The following INPP4B variants were observed in gnomAD, a reference collection of about 807,000 sequenced individuals.
INPP4B encodes the protein inositol polyphosphate-4-phosphatase type II B.
INPP4B carries 55 observed loss-of-function variants against 122.5 expected under a neutral mutation model. The observed-to-expected ratio is 0.45, with a 90% confidence interval of 0.36 to 0.56. The LOEUF (loss-of-function observed/expected upper bound fraction) is 0.56, where lower values mean the gene tolerates loss of function less well. INPP4B is among the 20% of genes least tolerant of loss of function. The pLI is 0.00. For missense variants in INPP4B, 1,000 were observed against 1,097.7 expected (o/e 0.91, Z 1.26); for synonymous variants, 403 against 388.7 (o/e 1.04, Z -0.43).
chr4:142,130,716 C>T (rs1255118103), intron 18 of INPP4B, among the ~76,000 whole-genome samples: 1 of 152,130 alleles, frequency 6.6e-6, no homozygotes, highest in Non-Finnish European at 1.5e-5. Flanking sequence ...AGTGTAATGT[C>T]CACTGAACTA....
At chr4:142,737,566 T>G (rs1402869842) in intron 1 of INPP4B, among the ~76,000 whole-genome samples, 2 of 152,054 alleles carry the variant, frequency 1.3e-5, no homozygotes, top group Non-Finnish European at 2.9e-5. Context: ...GGACTTCATG[T>G]CTAAAACACC....
chr4:142,652,445 G>T (rs774517491), intron 2 of INPP4B, among the ~76,000 whole-genome samples: 20 of 152,030 alleles, frequency 1.3e-4, no homozygotes, highest in Non-Finnish European at 2.6e-4. Flanking sequence ...TGTTTGCAGA[G>T]GACATGATTG....
At chr4:142,452,724 C>T (rs1440877905) in intron 3 of INPP4B, among the ~76,000 whole-genome samples, 1 of 152,148 alleles carries the variant, frequency 6.6e-6, no homozygotes, top group Non-Finnish European at 1.5e-5. Context: ...TTGGTTGCTT[C>T]TCACATGTCA....
intron 2 of INPP4B, among the ~76,000 whole-genome samples, chr4:142,693,179 G>A (rs1266646911): frequency 6.6e-6 from 1 of 151,988 alleles, no homozygotes. Context: ...GCTTTGGGGG[G>A]TACCAGAAAT....
chr4:142,676,476 A>G (rs1362273115), intron 2 of INPP4B, among the ~76,000 whole-genome samples: 1 of 152,168 alleles, frequency 6.6e-6, no homozygotes, highest in Non-Finnish European at 1.5e-5. Context: ...TCTTCACAGA[A>G]TTGGAAAAAA....
intron 8 of INPP4B, among the ~76,000 whole-genome samples, chr4:142,306,924 G>A (rs1411222797): frequency 6.6e-6 from 1 of 152,164 alleles, no homozygotes; most frequent in South Asian, 2.1e-4. Flanking sequence ...AAGGCAACTC[G>A]GTTCTGAAGG....
intron 2 of INPP4B, among the ~76,000 whole-genome samples, chr4:142,581,547 C>T (rs1735076078): frequency 2.8e-5 from 1 of 35,160 alleles, no homozygotes; most frequent in African/African-American, 9.1e-5. Context: ...GATAGAAGTT[C>T]CATTTCTATC....
chr4:142,790,907 C>G (rs1027506111), intron 1 of INPP4B, among the ~76,000 whole-genome samples: 1 of 151,876 alleles, frequency 6.6e-6, no homozygotes, highest in Admixed American at 6.6e-5. Flanking sequence ...TAAATGAACC[C>G]CACACTTCAT....
At chr4:142,298,206 C>T (rs1228012797) in intron 9 of INPP4B, among the ~76,000 whole-genome samples, 1 of 152,154 alleles carries the variant, frequency 6.6e-6, no homozygotes, top group Non-Finnish European at 1.5e-5. Flanking sequence ...CCTTGTTCTA[C>T]TTAACTCCAC....
chr4:142,769,882 C>A (rs1249622950), intron 1 of INPP4B, among the ~76,000 whole-genome samples: 2 of 152,040 alleles, frequency 1.3e-5, no homozygotes, highest in African/African-American at 4.8e-5. Flanking sequence ...CCACTGTGCT[C>A]CAGCCTGGGC....
At chr4:142,292,266 C>A (rs146731878) in intron 9 of INPP4B, among the ~76,000 whole-genome samples, 64 of 150,976 alleles carry the variant, frequency 4.2e-4, no homozygotes, top group African/African-American at 1.4e-3. Flanking sequence ...GTAATGAACT[C>A]CTGGTAACAG....
chr4:142,080,037 C>A (rs921507514), intron 25 of INPP4B, among the ~76,000 whole-genome samples: 5 of 151,978 alleles, frequency 3.3e-5, no homozygotes, highest in Non-Finnish European at 7.4e-5. Context: ...GTACATGTAT[C>A]ATTTCATTTA....
At chr4:142,255,602 A>G (rs1357709120) in intron 11 of INPP4B, among the ~76,000 whole-genome samples, 3 of 152,228 alleles carry the variant, frequency 2.0e-5, no homozygotes, top group Non-Finnish European at 4.4e-5. Flanking sequence ...CAAAAGCGAC[A>G]AAGAAGGCCA....
Position 142,314,725 on chromosome 4 carries a change from G to C in INPP4B, c.410C>G (p.Pro137Arg), listed in dbSNP as rs377514187. The change falls in exon 8 of 26, where the codon CCG (proline) becomes CGG (arginine). Residue 137 changes from proline (P) to arginine (R), a missense_variant. Pro to Arg is a moderately radical substitution (Grantham distance 103, BLOSUM62 -2). Transcript: ENST00000262992. ...AGAAACACTTACCCCAACTTCTGGC[G>C]GGGGATCCTTATGTTCTGGTAGGAC... ...TSVLPEHKDP[P>R]PEVGRSFLGY... The C allele has an allele frequency of 1.2e-6, 2 of 1,600,888 alleles. No homozygotes were observed. The highest frequency in any genetic ancestry group is 1.7e-6 in the Non-Finnish European group (2 of 1,175,042).
rs1790043914 is a variant in INPP4B at position 142,111,490 on chromosome 4, G to A, written c.2276+1052C>T. Among the ~76,000 whole-genome samples, 3 of 151,398 alleles carry A rather than the reference G, an allele frequency of 2.0e-5. No homozygotes were observed. The South Asian group carries it at 6.3e-4, about 32-fold the overall frequency. ...GCCTCCCAAATAGCTGAGATTACAGGCACCCGCCACTATGCCCAGCTAATT... is the reference window on the plus strand; with the variant it reads ...GCCTCCCAAATAGCTGAGATTACAGACACCCGCCACTATGCCCAGCTAATT... On this transcript the variant is annotated intron_variant, in intron 22 of 25. Coordinates refer to ENST00000262992, the MANE Select transcript of INPP4B (RefSeq NM_001101669.3).
intron 2 of INPP4B, among the ~76,000 whole-genome samples, chr4:142,672,694 C>T (rs1319386155): frequency 2.6e-5 from 4 of 151,962 alleles, no homozygotes; most frequent in Non-Finnish European, 4.4e-5. Context: ...TTCTTCCCAC[C>T]TTTTAATTCT....
chr4:142,263,637 AAAATATATATATATATATAT>A (rs1399813318), intron 10 of INPP4B, among the ~76,000 whole-genome samples: 5 of 42,216 alleles, frequency 1.2e-4, no homozygotes, highest in African/African-American at 3.2e-4. Context: ...ATAAATTCGT[AAAATATATATATATATATAT>A]ATATATATAT....
chr4:142,381,724 T>C (rs900967016), intron 7 of INPP4B, among the ~76,000 whole-genome samples: 5 of 152,128 alleles, frequency 3.3e-5, no homozygotes, highest in Admixed American at 6.6e-5. Flanking sequence ...TTTTTACACA[T>C]AGAATATAAT....
chr4:142,816,557 T>A (rs181804245), intron 1 of INPP4B, among the ~76,000 whole-genome samples: 68 of 152,074 alleles, frequency 4.5e-4, no homozygotes, highest in African/African-American at 1.6e-3. Context: ...ATTTCTCATC[T>A]TAAAAAAAAC....
Sources: gnomAD v4.1 joint callset for allele counts (sites outside exome capture counted in the v4.1 genomes callset) on GRCh38, gnomAD v4.1.1 for gene constraint, MANE v1.5 for transcripts, NCBI Gene and HGNC (gene_info 2026-07-23, HGNC 2026-07-21) for gene names.